The following LPP variants were observed in gnomAD, a reference collection of about 807,000 sequenced individuals.
LPP encodes LIM domain containing preferred translocation partner in lipoma.
In LPP, 38 loss-of-function variants were observed where a neutral mutation model predicts 60.4. The ratio of observed to expected loss-of-function variants is 0.63; its 90% CI spans 0.49 to 0.83. LPP has a LOEUF of 0.83. LPP is among the 40% of genes least tolerant of loss of function. LPP has a pLI of 0.00. For synonymous variants in LPP, 328 were observed against 290.8 expected (o/e 1.13, Z -1.30); for missense variants, 902 against 783.6 (o/e 1.15, Z -1.80).
chr3:188,242,250 T>C (rs540561941), intron 2 of LPP, among the ~76,000 whole-genome samples: 1 of 152,302 alleles, frequency 6.6e-6, no homozygotes, highest in East Asian at 1.9e-4. Context: ...ACTGGGTTTG[T>C]TCAACCTATT....
chr3:188,716,051 T>C (rs1713865561), intron 8 of LPP, among the ~76,000 whole-genome samples: 1 of 152,258 alleles, frequency 6.6e-6, no homozygotes. Flanking sequence ...GTGAGCTATT[T>C]GAAGAATCCT....
At chr3:188,481,092 A>G (rs764506176) in intron 4 of LPP, among the ~76,000 whole-genome samples, 2 of 152,180 alleles carry the variant, frequency 1.3e-5, no homozygotes, top group African/African-American at 4.8e-5. Context: ...TTACTTGTCT[A>G]TGAAAATGAT....
At chr3:188,177,391 C>T (rs1464782401) in intron 1 of LPP, among the ~76,000 whole-genome samples, 1 of 152,146 alleles carries the variant, frequency 6.6e-6, no homozygotes, top group African/African-American at 2.4e-5. Context: ...CCTTGAGGCA[C>T]ATTTTCAGTT....
chr3:188,411,429 A>C (rs1363907645), intron 4 of LPP, among the ~76,000 whole-genome samples: 4 of 152,290 alleles, frequency 2.6e-5, no homozygotes, highest in Admixed American at 6.5e-5. Context: ...CCAAAGGAAA[A>C]GAAATCATTA....
chr3:188,818,965 A>G (rs1297363725), intron 9 of LPP, among the ~76,000 whole-genome samples: 1 of 151,542 alleles, frequency 6.6e-6, no homozygotes, highest in African/African-American at 2.4e-5. Context: ...ATGAGAATTC[A>G]GTTGATGATA....
intron 7 of LPP, among the ~76,000 whole-genome samples, chr3:188,699,640 A>G (rs1412850763): frequency 6.6e-6 from 1 of 152,230 alleles, no homozygotes; most frequent in Non-Finnish European, 1.5e-5. Flanking sequence ...AAAATGGAAC[A>G]TAAGAATAGA....
At chr3:188,378,798 C>T (rs912921413) in intron 3 of LPP, among the ~76,000 whole-genome samples, 7 of 152,206 alleles carry the variant, frequency 4.6e-5, no homozygotes, top group South Asian at 2.1e-4. Flanking sequence ...CCATCTTCTG[C>T]GTCGCTCCCT....
intron 2 of LPP, chr3:188,240,174 G>C (rs538710481): frequency 5.4e-6 from 1 of 184,012 alleles, no homozygotes; most frequent in African/African-American, 2.3e-5. Flanking sequence ...TGGGGTTTAT[G>C]TGTAAATGAT....
At chr3:188,742,627 A>G (rs1373307867) in intron 8 of LPP, among the ~76,000 whole-genome samples, 1 of 152,094 alleles carries the variant, frequency 6.6e-6, no homozygotes, top group African/African-American at 2.4e-5. Context: ...ACTGACACAA[A>G]GCAATCAGTG....
chr3:188,774,977 T>G (rs1385189707), intron 9 of LPP, among the ~76,000 whole-genome samples: 1 of 152,036 alleles, frequency 6.6e-6, no homozygotes, highest in Non-Finnish European at 1.5e-5. Flanking sequence ...GATCTGTAAG[T>G]GCATAATTGG....
intron 7 of LPP, among the ~76,000 whole-genome samples, chr3:188,633,078 A>G (rs919788673): frequency 6.6e-6 from 1 of 152,192 alleles, no homozygotes; most frequent in African/African-American, 2.4e-5. Flanking sequence ...GGGATATCTG[A>G]GTGTTCAGTC....
chr3:188,500,934 C>G (rs1235404416), intron 5 of LPP, among the ~76,000 whole-genome samples: 2 of 151,582 alleles, frequency 1.3e-5, no homozygotes, highest in African/African-American at 2.4e-5. Flanking sequence ...TCTTCTCTCT[C>G]TGTCTCTCTC....
intron 6 of LPP, among the ~76,000 whole-genome samples, chr3:188,555,951 A>G (rs1319308062): frequency 6.6e-6 from 1 of 152,132 alleles, no homozygotes; most frequent in Non-Finnish European, 1.5e-5. Context: ...TAGAGGAACT[A>G]TTAAAGAATG....
intron 6 of LPP, among the ~76,000 whole-genome samples, chr3:188,567,017 A>G (rs181574196): frequency 6.6e-6 from 1 of 152,058 alleles, no homozygotes; most frequent in African/African-American, 2.4e-5. Context: ...AAACTTGAAG[A>G]GTTTAAAATT....
intron 9 of LPP, among the ~76,000 whole-genome samples, chr3:188,809,424 C>G (rs1434327273): frequency 2.6e-5 from 4 of 152,178 alleles, no homozygotes; most frequent in African/African-American, 9.7e-5. Flanking sequence ...TTGCATTTAT[C>G]TAATGATCAG....
At chr3:188,408,700 G>A (rs1458393576) in intron 4 of LPP, among the ~76,000 whole-genome samples, 2 of 151,704 alleles carry the variant, frequency 1.3e-5, no homozygotes, top group African/African-American at 4.8e-5. Flanking sequence ...TATATGCCAG[G>A]CTCTATGCTT....
chr3:188,715,647 T>C (rs1367529266), intron 8 of LPP, among the ~76,000 whole-genome samples: 3 of 152,198 alleles, frequency 2.0e-5, no homozygotes, highest in East Asian at 1.9e-4. Context: ...CCTTGAGATA[T>C]CTCTTTGAAA....
At chr3:188,592,563 TAAA>T (rs1839113414) in intron 6 of LPP, among the ~76,000 whole-genome samples, 2 of 77,242 alleles carry the variant, frequency 2.6e-5, no homozygotes, top group Admixed American at 1.3e-4. Flanking sequence ...TTTTGTTTTT[TAAA>T]TGGAGTCTCA....
chr3:188,283,623 A>T (rs189259922), intron 2 of LPP, among the ~76,000 whole-genome samples: 1 of 152,192 alleles, frequency 6.6e-6, no homozygotes, highest in Non-Finnish European at 1.5e-5. Flanking sequence ...TAGAAAGAGG[A>T]TGCGTGATAC....
Sources: gnomAD v4.1 joint callset for allele counts (sites outside exome capture counted in the v4.1 genomes callset) on GRCh38, gnomAD v4.1.1 for gene constraint, MANE v1.5 for transcripts, NCBI Gene and HGNC (gene_info 2026-07-23, HGNC 2026-07-21) for gene names.